PTPRJ: variants seen among roughly 807,000 people sequenced by gnomAD.
The protein encoded by PTPRJ is protein tyrosine phosphatase receptor type J.
PTPRJ carries 129 observed loss-of-function variants against 141.3 expected under a neutral mutation model. The observed-to-expected ratio is 0.91, with a 90% CI of 0.79 to 1.06. The LOEUF (loss-of-function observed/expected upper bound fraction) is 1.06. Among genes scored for constraint, PTPRJ ranks in the 50% least tolerant of loss-of-function variants. The pLI is 0.00. For synonymous variants in PTPRJ, 610 were observed against 640.5 expected, an observed-to-expected ratio of 0.95 and a Z score of 0.72; for missense variants, 1,601 against 1,679.7, an observed-to-expected ratio of 0.95 and a Z score of 0.82.
At chr11:48,053,387 TA>T (rs1308739959) in intron 1 of PTPRJ, among the ~76,000 whole-genome samples, 160 of 99,242 alleles carry the variant, frequency 1.6e-3, no homozygotes, top group Middle Eastern at 4.1e-3. Context: ...AAAATATATA[TA>T]AAAATATATG....
chr11:47,995,989 G>C (rs945349069), intron 1 of PTPRJ, among the ~76,000 whole-genome samples: 2 of 150,768 alleles, frequency 1.3e-5, no homozygotes, highest in African/African-American at 4.9e-5. Flanking sequence ...GGTGACCTGA[G>C]ATTGTGCCAT....
chr11:48,099,895 C>T (rs928770428), intron 1 of PTPRJ, among the ~76,000 whole-genome samples: 6 of 152,060 alleles, frequency 3.9e-5, no homozygotes, highest in African/African-American at 1.4e-4. Context: ...TGAATAATGC[C>T]CTAACTTTTA....
chr11:48,043,982 T>G (rs1195568929), intron 1 of PTPRJ, among the ~76,000 whole-genome samples: 1 of 152,192 alleles, frequency 6.6e-6, no homozygotes, highest in Non-Finnish European at 1.5e-5. Flanking sequence ...CTCCCCTCCC[T>G]CTGAAGGGAG....
rs764953733 is a variant in PTPRJ at position 48,167,371 on chromosome 11, G to A, written c.*9G>A. The A allele has an allele frequency of 2.0e-5, 32 of 1,613,512 alleles. No individual in the cohort carries two copies. The highest frequency in any genetic ancestry group is 2.6e-5 in the Non-Finnish European group (31 of 1,179,768). ...ATGGTTACATCGCCTAATTCCAAAGGAATAACCTTTCTGGAGTGAACCAGA... is the reference window on the plus strand; with the variant it reads ...ATGGTTACATCGCCTAATTCCAAAGAAATAACCTTTCTGGAGTGAACCAGA... On this transcript the variant is annotated 3_prime_UTR_variant, in exon 25 of 25. Transcript: ENST00000418331.
At chr11:48,099,346 C>T (rs1287594258) in intron 1 of PTPRJ, among the ~76,000 whole-genome samples, 1 of 152,192 alleles carries the variant, frequency 6.6e-6, no homozygotes, top group Non-Finnish European at 1.5e-5. Flanking sequence ...TTTCATGACA[C>T]ATGAAAATTA....
At chr11:48,044,165 G>A (rs549219496) in intron 1 of PTPRJ, among the ~76,000 whole-genome samples, 5 of 152,366 alleles carry the variant, frequency 3.3e-5, no homozygotes, top group South Asian at 4.1e-4. Flanking sequence ...GGCCCGCACA[G>A]CCTTCTCTGG....
At chr11:48,111,260 A>G (rs1856430846) in intron 2 of PTPRJ, among the ~76,000 whole-genome samples, 2 of 145,886 alleles carry the variant, frequency 1.4e-5, no homozygotes, top group African/African-American at 5.1e-5. Flanking sequence ...AGCCTGGGCA[A>G]CAAGAGTGAA....
Position 48,078,954 on chromosome 11 carries a change from C to T in PTPRJ, c.97-31104C>T, listed in dbSNP as rs569881523. Among the ~76,000 whole-genome samples the T allele has an allele frequency of 4.6e-5, 7 of 152,026 alleles. No individual in the cohort carries two copies. The South Asian group carries it at 1.5e-3, about 32-fold the overall frequency. The stretch of plus-strand genomic sequence containing the variant: ...ATATGTACTTATGTACTATCTGGCT[C>T]TTTCCAGAAAAAATCAGCAGACCCC... On this transcript the variant is annotated intron_variant, in intron 1 of 24. Coordinates refer to ENST00000418331, the MANE Select transcript of PTPRJ (RefSeq NM_002843.4).
Position 48,143,023 on chromosome 11 carries a change from T to C in PTPRJ, c.2548T>C (p.Tyr850His). ...AGCCAGCCACGGACCCATCAAAGCC[T>C]ATGCTGTCATTCTCACCACCGGGGA... ...FEASHGPIKA[Y>H]AVILTTGEAG... Residue 850 changes from tyrosine (Y) to histidine (H), a missense_variant, in exon 12 of 25, where the codon TAT becomes CAT. Physicochemically the swap from Tyr to His is moderately conservative, Grantham distance 83. Transcript: ENST00000418331. The C allele has an allele frequency of 6.2e-7, 1 of 1,614,164 alleles. No individual in the cohort carries two copies. The highest frequency in any genetic ancestry group is 8.5e-7 in the Non-Finnish European group (1 of 1,179,994).
chr11:48,039,792 C>A (rs1854228797), intron 1 of PTPRJ, among the ~76,000 whole-genome samples: 1 of 143,196 alleles, frequency 7.0e-6, no homozygotes, highest in African/African-American at 2.5e-5. Context: ...TTTGCCCTTT[C>A]TTTTTTTTTT....
rs59987198 is a variant in PTPRJ, at chr11:48,051,084, CTTTTTTTT to C, written c.97-58952_97-58945del. On this transcript the variant is annotated intron_variant, in intron 1 of 24. Transcript: ENST00000418331. ...GAGGTGATAGCCAGTTAACTGATGA[CTTTTTTTT>C]TTTTTTTTTTTTTTTTTTTTTGAGA... Among the ~76,000 whole-genome samples, 11 of 79,320 alleles carry C rather than the reference CTTTTTTTT, an allele frequency of 1.4e-4. 1 individual carries two copies. Among genetic ancestry groups the C allele is most frequent in the Admixed American group, 3.2e-4 (2 of 6,274 alleles). 52.0% of individuals were successfully genotyped at this position (79,320 alleles called of 152,430 possible).
intron 1 of PTPRJ, among the ~76,000 whole-genome samples, chr11:47,989,536 C>G (rs930034178): frequency 3.3e-5 from 5 of 151,786 alleles, no homozygotes; most frequent in Non-Finnish European, 5.9e-5. Flanking sequence ...CCTCGGCCTC[C>G]CAAAGTGCTG....
chr11:48,153,712 C>G, intron 18 of PTPRJ, 84 bp from the exon 19 acceptor site: 2 of 871,080 alleles, frequency 2.3e-6, no homozygotes, highest in Non-Finnish European at 3.8e-6. Flanking sequence ...GACTGTTGGG[C>G]TGGTTTCACT....
chr11:48,085,236 C>G (rs1246274760), intron 1 of PTPRJ, among the ~76,000 whole-genome samples: 5 of 143,760 alleles, frequency 3.5e-5, no homozygotes, highest in African/African-American at 5.0e-5. Context: ...TTGCAAATAT[C>G]TAAAATAATG....
At chr11:48,028,686 G>A (rs1853891905) in intron 1 of PTPRJ, among the ~76,000 whole-genome samples, 1 of 152,200 alleles carries the variant, frequency 6.6e-6, no homozygotes, top group Admixed American at 6.5e-5. Context: ...AGCTACTTAG[G>A]AGGCTGAGGC....
chr11:48,136,378 G>A (rs1857104197), intron 9 of PTPRJ, 82 bp downstream of exon 9: 2 of 1,505,312 alleles, frequency 1.3e-6, no homozygotes, highest in South Asian at 1.3e-5. Context: ...GATGGCCAGT[G>A]TGCTTCTGGG....
intron 1 of PTPRJ, among the ~76,000 whole-genome samples, chr11:48,007,441 T>C (rs1854654876): frequency 6.6e-6 from 1 of 151,768 alleles, no homozygotes; most frequent in Non-Finnish European, 1.5e-5. Context: ...TTTTCCTCAC[T>C]GTGTCACCCA....
chr11:48,157,220 C>T (rs550822728), intron 21 of PTPRJ, among the ~76,000 whole-genome samples: 1 of 152,244 alleles, frequency 6.6e-6, no homozygotes, highest in East Asian at 1.9e-4. Flanking sequence ...ATCTCCTGAC[C>T]TTGTGGTCCA....
At chr11:48,089,259 A>G (rs1348776005) in intron 1 of PTPRJ, among the ~76,000 whole-genome samples, 2 of 152,174 alleles carry the variant, frequency 1.3e-5, no homozygotes, top group Non-Finnish European at 2.9e-5. Flanking sequence ...GCTCACGCCT[A>G]TAATCCCAGA....
Sources: gnomAD v4.1 joint callset for allele counts (sites outside exome capture counted in the v4.1 genomes callset) on GRCh38, gnomAD v4.1.1 for gene constraint, MANE v1.5 for transcripts, NCBI Gene and HGNC (gene_info 2026-07-23, HGNC 2026-07-21) for gene names.